LAMB4: variants seen among roughly 807,000 people sequenced by gnomAD.
LAMB4 encodes laminin subunit beta-4.
LAMB4 carries 196 observed loss-of-function variants against 199.2 expected under a neutral mutation model. That is an observed-to-expected ratio of 0.98 (90% CI 0.88 to 1.11). The LOEUF is 1.11. Ranked by LOEUF, LAMB4 falls within the 50% of genes least tolerant of loss-of-function variation. The probability of loss-of-function intolerance (pLI) is 0.00; values close to 1 mark genes in which losing one functional copy is unlikely to be tolerated. For missense variants in LAMB4, 2,080 were observed against 2,171.2 expected, an observed-to-expected ratio of 0.96 and a Z score of 0.83; for synonymous variants, 744 against 770.6, an observed-to-expected ratio of 0.97 and a Z score of 0.57.
At chr7:108,057,037 TA>T (rs1385313240) in intron 24 of LAMB4, among the ~76,000 whole-genome samples, 2 of 150,122 alleles carry the variant, frequency 1.3e-5, no homozygotes, top group Non-Finnish European at 3.0e-5. Context: ...AAATAAAAAC[TA>T]GTTAACACAC....
chr7:108,092,284 A>G (rs1311810803), intron 13 of LAMB4, 53 bp downstream of exon 13: 3 of 1,400,150 alleles, frequency 2.1e-6, no homozygotes, highest in East Asian at 2.3e-5. Context: ...TCAGAATAAA[A>G]TGTGCTTTTA....
rs752679246 is a variant in LAMB4, at chr7:108,068,086, AG to A, written c.2375del (p.Pro792LeufsTer41). Reference protein sequence around the residue: ...SRLGGQCQCKPLVVGRCCDRC... With the variant: ...SRLGGQCQCKXLVVGRCCDRC... Reference sequence around the variant, plus strand: ...TGTCACAGCAGCGCCCGACCACAAGAGGTTTACACTGGCACTGGCCTCCAAG... The same window carrying A: ...TGTCACAGCAGCGCCCGACCACAAGAGTTTACACTGGCACTGGCCTCCAAG... On this transcript the variant is annotated frameshift_variant, in exon 19 of 34. Transcript: ENST00000388781. LOFTEE classifies it high-confidence loss of function. The A allele has an allele frequency of 6.2e-7, 1 of 1,614,152 alleles. No individual in the cohort carries two copies. Among genetic ancestry groups the A allele is most frequent in the Non-Finnish European group, 8.5e-7 (1 of 1,180,024 alleles).
chr7:108,067,640 T>C (rs1047991591), intron 19 of LAMB4, among the ~76,000 whole-genome samples: 8 of 152,220 alleles, frequency 5.3e-5, no homozygotes, highest in African/African-American at 1.7e-4. Context: ...CTTATCATTG[T>C]TTTAGCCTTT....
In LAMB4 at chr7:108,093,125, T is replaced by G. The variant is rs113071085; in HGVS notation, c.1471-709A>C. The stretch of plus-strand genomic sequence containing the variant: ...TCTTGTTCTTTTGCCCACACTGGAG[T>G]GCAGTGGTACGATCTTGGCCAACCT... On this transcript the variant is annotated intron_variant, in intron 12 of 33. Coordinates refer to ENST00000388781, the MANE Select transcript of LAMB4 (RefSeq NM_007356.3). 3.2e-3 allele frequency among the ~76,000 whole-genome samples: 492 copies of G among 152,220 alleles called. 2 individuals are homozygous for G. The highest frequency in any genetic ancestry group is 0.011 in the African/African-American group (467 of 41,536).
Position 108,065,911 on chromosome 7 carries a change from T to A in LAMB4, c.2687A>T (p.Asp896Val), listed in dbSNP as rs1359439206. 1.2e-6 allele frequency: 2 copies of A among 1,612,776 alleles called. No individual in the cohort carries two copies. Among genetic ancestry groups the A allele is most frequent in the Non-Finnish European group, 8.5e-7 (1 of 1,179,626 alleles). ...TGAAGAAGGATTTCCATAGTAACCA[T>A]CAATACACCTGTCAAGACAATTTCC... is the stretch of plus-strand genomic sequence containing the variant. ...TTGRNCERCI[D>V]GYYGNPSSGQ... Residue 896 changes from aspartate to valine, a missense_variant, in exon 21 of 34, where the codon GAT (aspartate) becomes GTT (valine). Transcript: ENST00000388781.
At position 108,025,405 on chromosome 7, in the gene LAMB4, C is replaced by T. The variant is rs540965378; in HGVS notation, c.5147-1227G>A. ...TTTCTTTTCTTTTCTTTCTTTCTTT[C>T]TTTCTTTCTTTCTTCTTTCTTTCTT... On this transcript the variant is annotated intron_variant, in intron 33 of 33. Transcript: ENST00000388781. 7.1e-5 allele frequency among the ~76,000 whole-genome samples: 9 copies of T among 127,088 alleles called. No homozygotes were observed. In the South Asian group the frequency reaches 2.0e-3, roughly 28 times the overall value. The allele number at this position is 127,088 out of a possible 152,430, so 83.4% of individuals were successfully genotyped here.
At chr7:108,108,023 C>T (rs1201518342) in intron 5 of LAMB4, among the ~76,000 whole-genome samples, 3 of 152,170 alleles carry the variant, frequency 2.0e-5, no homozygotes, top group Non-Finnish European at 4.4e-5. Flanking sequence ...TCACTGTAGC[C>T]TCAACTTCCC....
At chr7:108,096,917 C>A (rs1584744540) in intron 11 of LAMB4, among the ~76,000 whole-genome samples, 1 of 82,634 alleles carries the variant, frequency 1.2e-5, no homozygotes. Flanking sequence ...GCCTTGATGA[C>A]AAAACAAGAC....
rs150192219 is a variant in LAMB4, at chr7:108,112,129, A to C, written c.193-183T>G. On this transcript the variant is annotated intron_variant, in intron 3 of 33. Coordinates refer to ENST00000388781, the MANE Select transcript of LAMB4 (RefSeq NM_007356.3). ...GCCTAAGTACAACAATAAACTATGA[A>C]CTAAAATTTTATAAATTTATACATT... Among the ~76,000 whole-genome samples, 14 of 152,350 alleles carry C rather than the reference A, an allele frequency of 9.2e-5. No individual in the cohort carries two copies. In the East Asian group the frequency reaches 2.7e-3, roughly 29 times the overall value.
rs2037712555 is a variant in LAMB4, at chr7:108,098,533, G to A, written c.1230C>T (p.Ser410=). The part of the protein sequence containing the change: ...DGTISGGICV[S]HSDPALGSVA... ...CAGACCCTAAGGCAGGATCAGAGTGGCTCACACAAATGCCACCAGATATGG... is the reference window on the plus strand; with the variant it reads ...CAGACCCTAAGGCAGGATCAGAGTGACTCACACAAATGCCACCAGATATGG... Residue 410 remains serine, a synonymous_variant, in exon 11 of 34, where the codon AGC becomes AGT. Coordinates refer to ENST00000388781, the MANE Select transcript of LAMB4 (RefSeq NM_007356.3). The A allele has an allele frequency of 1.2e-6, 2 of 1,613,156 alleles. No individual in the cohort carries two copies. The highest frequency in any genetic ancestry group is 1.7e-6 in the Non-Finnish European group (2 of 1,179,872).
At chr7:108,070,151 G>C (rs1423769158) in intron 17 of LAMB4, among the ~76,000 whole-genome samples, 1 of 152,082 alleles carries the variant, frequency 6.6e-6, no homozygotes, top group Non-Finnish European at 1.5e-5. Flanking sequence ...TGTTTGTCTA[G>C]ATTTGAAAGA....
chr7:108,106,422 A>G (rs76094787), intron 7 of LAMB4, 87 bp downstream of exon 7: 1 of 559,418 alleles, frequency 1.8e-6, no homozygotes, highest in African/African-American at 3.4e-5. Flanking sequence ...CGTCTCAAGA[A>G]AAAAAAAAAA....
chr7:108,068,273 C>T, intron 18 of LAMB4, 114 bp from the exon 19 acceptor site: 1 of 974,984 alleles, frequency 1.0e-6, no homozygotes, highest in East Asian at 2.5e-5. Flanking sequence ...TAATACTCAA[C>T]TCCCTCATCT....
chr7:108,086,350 T>C (rs900667127), intron 14 of LAMB4, among the ~76,000 whole-genome samples: 4 of 152,180 alleles, frequency 2.6e-5, no homozygotes, highest in Non-Finnish European at 5.9e-5. Context: ...TTTCTTGACA[T>C]ACATTCCCTC....
chr7:108,062,623 T>C (rs1334222525), intron 23 of LAMB4, 151 bp downstream of exon 23: 20 of 434,682 alleles, frequency 4.6e-5, no homozygotes, highest in Non-Finnish European at 6.0e-5. Flanking sequence ...CATTCCTTGA[T>C]AGAGGCTGAC....
chr7:108,104,665 G>T (rs2037938644), intron 8 of LAMB4, 46 bp from the exon 9 acceptor site: 2 of 1,594,334 alleles, frequency 1.3e-6, no homozygotes, highest in East Asian at 4.5e-5. Context: ...CTTGTCCTTG[G>T]GGACGTTGGG....
intron 18 of LAMB4, 57 bp from the exon 19 acceptor site, chr7:108,068,216 A>G (rs1295121470): frequency 1.9e-6 from 3 of 1,578,570 alleles, no homozygotes; most frequent in African/African-American, 2.7e-5. Flanking sequence ...GAAGCACCTC[A>G]CCTTGTTAGT....
rs1563061047 is a variant in LAMB4 at position 108,066,376 on chromosome 7, A to AC, written c.2670_2671insG (p.Cys891ValfsTer2). The AC allele has an allele frequency of 5.0e-6, 8 of 1,612,508 alleles. No individual in the cohort carries two copies. The highest frequency in any genetic ancestry group is 6.8e-6 in the Non-Finnish European group (8 of 1,178,546). On this transcript the variant is annotated frameshift_variant, in exon 20 of 34. Coordinates refer to ENST00000388781, the MANE Select transcript of LAMB4 (RefSeq NM_007356.3). LOFTEE classifies it high-confidence loss of function. ...TGCATATGAATTCCATACCTTTCACAGTTTCTGCCAGTTGTAAAGCCTCCA... is the reference window on the plus strand; with the variant it reads ...TGCATATGAATTCCATACCTTTCACACGTTTCTGCCAGTTGTAAAGCCTCCA...
chr7:108,082,158 G>A (rs945118484), intron 14 of LAMB4, among the ~76,000 whole-genome samples: 2 of 151,930 alleles, frequency 1.3e-5, no homozygotes, highest in Non-Finnish European at 2.9e-5. Flanking sequence ...GTGAAACCCC[G>A]TCTCTACTAA....
Sources: allele counts gnomAD v4.1 joint callset (sites outside exome capture counted in the v4.1 genomes callset), GRCh38; gene constraint gnomAD v4.1.1; transcripts MANE v1.5; gene names NCBI Gene and HGNC (gene_info 2026-07-23, HGNC 2026-07-21).